The following CFAP47 variants were observed in gnomAD, a reference collection of about 807,000 sequenced individuals.
The protein encoded by CFAP47 is cilia and flagella associated protein 47.
CFAP47 carries 29 observed loss-of-function variants against 148.1 expected under a neutral mutation model. The observed-to-expected ratio is 0.20, with a 90% confidence interval of 0.15 to 0.27. CFAP47 has a LOEUF of 0.27. Ranked by LOEUF, CFAP47 falls within the 10% of genes least tolerant of loss-of-function variation. The pLI is 1.00. For synonymous variants in CFAP47, 664 were observed against 577.3 expected (o/e 1.15, Z -2.15); for missense variants, 1,872 against 1,697.5 (o/e 1.10, Z -1.81).
At chrX:36,058,336 T>C (rs1177829777) in intron 26 of CFAP47, among the ~76,000 whole-genome samples, 1 of 112,153 alleles carries the variant, frequency 8.9e-6, no homozygotes, top group Non-Finnish European at 1.9e-5. Flanking sequence ...TATAATGACA[T>C]TTGTAAAGTC....
intron 33 of CFAP47, among the ~76,000 whole-genome samples, chrX:36,132,609 GCTGTGATAAA>G (rs1938968441): frequency 9.0e-6 from 1 of 111,668 alleles, no homozygotes. Flanking sequence ...ATGTATCAAA[GCTGTGATAAA>G]CTGTGATGAG....
chrX:36,099,523 C>T (rs1200900346), intron 31 of CFAP47, among the ~76,000 whole-genome samples: 7 of 106,561 alleles, frequency 6.6e-5, no homozygotes, highest in East Asian at 2.9e-4. Flanking sequence ...GCCACTTATT[C>T]TGCAGAGTGA....
At chrX:35,980,732 C>G (rs1012961557) in intron 15 of CFAP47, among the ~76,000 whole-genome samples, 2 of 110,908 alleles carry the variant, frequency 1.8e-5, no homozygotes, top group African/African-American at 6.6e-5. Context: ...CTCTTCCCAA[C>G]AGGACCCTCA....
At chrX:36,192,458 G>A (rs1555986642) in intron 42 of CFAP47, among the ~76,000 whole-genome samples, 1 of 111,686 alleles carries the variant, frequency 9.0e-6, no homozygotes, top group Non-Finnish European at 1.9e-5. Context: ...TTGGGGTTCT[G>A]TCTTCACTGT....
At chrX:36,312,130 G>T (rs999159295) in intron 56 of CFAP47, among the ~76,000 whole-genome samples, 1 of 110,621 alleles carries the variant, frequency 9.0e-6, no homozygotes, top group Admixed American at 9.8e-5. Flanking sequence ...TATAAACGAG[G>T]TAAGGTTTAA....
chrX:36,147,742 T>C (rs1397082302), intron 36 of CFAP47, among the ~76,000 whole-genome samples: 5 of 112,484 alleles, frequency 4.4e-5, no homozygotes, highest in Non-Finnish European at 7.5e-5. Flanking sequence ...AAAGTTTCCA[T>C]TGAACTAAGA....
rs916857713 is a variant in CFAP47 at position 36,257,168 on chromosome X, A to T, written c.7444+5724A>T. On this transcript the variant is annotated intron_variant, in intron 49 of 63. Coordinates refer to ENST00000378653, the MANE Select transcript of CFAP47 (RefSeq NM_001304548.2). ...TTAGAATTTCTTACAGTCATCAATG[A>T]TGTTTTATTTGTGAACCTGAAGGAC... 4.5e-5 allele frequency among the ~76,000 whole-genome samples: 5 copies of T among 112,054 alleles called. No homozygotes were observed. The East Asian group carries it at 8.5e-4, about 19-fold the overall frequency.
intron 42 of CFAP47, among the ~76,000 whole-genome samples, chrX:36,198,542 G>A (rs1041282050): frequency 8.9e-6 from 1 of 112,265 alleles, no homozygotes; most frequent in Admixed American, 9.4e-5. Context: ...GAAAAGGAAA[G>A]GGGATTCTCT....
rs781573456 is a variant in CFAP47, at chrX:35,996,451, G to A, written c.3100-861G>A. 4.0e-4 allele frequency among the ~76,000 whole-genome samples: 44 copies of A among 110,985 alleles called. No homozygotes were observed. The East Asian group carries it at 0.012, about 31-fold the overall frequency. On this transcript the variant is annotated intron_variant, in intron 18 of 63. Transcript: ENST00000378653. The stretch of plus-strand genomic sequence containing the variant: ...TTCTTTGCATATAAACAGTATCAGT[G>A]ATTGTGGAAGAGTGAAATACACTCG...
At chrX:36,244,061 T>A (rs1940584296) in intron 48 of CFAP47, among the ~76,000 whole-genome samples, 1 of 111,023 alleles carries the variant, frequency 9.0e-6, no homozygotes, top group African/African-American at 3.3e-5. Context: ...GCAATAGTAA[T>A]AAAAATTAAT....
At chrX:35,992,366 G>C (rs1460849022) in intron 17 of CFAP47, among the ~76,000 whole-genome samples, 1 of 110,540 alleles carries the variant, frequency 9.0e-6, no homozygotes, top group Non-Finnish European at 1.9e-5. Context: ...GATTTAAATG[G>C]AAAGAGGAGC....
At chrX:36,365,626 C>T (rs1226803421) in intron 61 of CFAP47, 2 of 110,383 alleles carry the variant, frequency 1.8e-5, no homozygotes, top group African/African-American at 6.6e-5. Context: ...TCTCCTCTTT[C>T]TCCTTCCAAC....
At chrX:36,025,910 A>C (rs188778673) in intron 22 of CFAP47, among the ~76,000 whole-genome samples, 1 of 111,622 alleles carries the variant, frequency 9.0e-6, no homozygotes, top group East Asian at 2.8e-4. Flanking sequence ...TCATTTTCCG[A>C]TAGATCTCTT....
intron 26 of CFAP47, among the ~76,000 whole-genome samples, chrX:36,065,107 A>G (rs1329050457): frequency 8.9e-6 from 1 of 112,087 alleles, no homozygotes; most frequent in Non-Finnish European, 1.9e-5. Flanking sequence ...CTGAAATCTG[A>G]ACATAAACCT....
chrX:36,235,429 G>A (rs1305089534), intron 46 of CFAP47, among the ~76,000 whole-genome samples: 2 of 112,477 alleles, frequency 1.8e-5, no homozygotes, highest in African/African-American at 6.5e-5. Flanking sequence ...AGCCAGGTGG[G>A]GGATATAATC....
At chrX:36,214,250 G>A (rs1602050182) in intron 45 of CFAP47, among the ~76,000 whole-genome samples, 1 of 111,378 alleles carries the variant, frequency 9.0e-6, no homozygotes, top group Non-Finnish European at 1.9e-5. Context: ...AAAAGGTACA[G>A]TACAAATGGG....
At chrX:35,957,207 C>CAA (rs371147219) in intron 8 of CFAP47, among the ~76,000 whole-genome samples, 4,967 of 33,441 alleles carry the variant, frequency 0.15, 337 homozygotes, top group East Asian at 0.35. Context: ...GACTCCATCT[C>CAA]AAAAAAAAAA....
chrX:36,338,695 A>G (rs1941628820), intron 57 of CFAP47, among the ~76,000 whole-genome samples: 1 of 111,699 alleles, frequency 9.0e-6, no homozygotes, highest in African/African-American at 3.3e-5. Context: ...TTCATTTCTA[A>G]TGGGATCTCA....
intron 33 of CFAP47, among the ~76,000 whole-genome samples, chrX:36,123,050 T>C: frequency 8.9e-6 from 1 of 112,398 alleles, no homozygotes; most frequent in East Asian, 2.8e-4. Context: ...TCTTGCAGAC[T>C]CATAGAGGTA....
Sources: allele counts gnomAD v4.1 joint callset (sites outside exome capture counted in the v4.1 genomes callset), GRCh38; gene constraint gnomAD v4.1.1; transcripts MANE v1.5; gene names NCBI Gene and HGNC (gene_info 2026-07-23, HGNC 2026-07-21).